PCDHGB6: variants seen among roughly 807,000 people sequenced by gnomAD.
The protein encoded by PCDHGB6 is protocadherin gamma-B6.
In PCDHGB6, 51 loss-of-function variants were observed where a neutral mutation model predicts 59.1. The observed-to-expected ratio is 0.86, with a 90% CI of 0.69 to 1.09. The LOEUF is 1.09. PCDHGB6 is among the 50% of genes least tolerant of loss of function. PCDHGB6 has a pLI of 0.00. For missense variants in PCDHGB6, 1,148 were observed against 1,205.1 expected (o/e 0.95, Z 0.70); for synonymous variants, 466 against 495.1 (o/e 0.94, Z 0.78).
chr5:141,495,028 G>C, intron 2 of PCDHGB6, 163 bp downstream of exon 2: 3 of 966,196 alleles, frequency 3.1e-6, no homozygotes, highest in Non-Finnish European at 3.7e-6. Flanking sequence ...CACAGACCCC[G>C]GAAGGAAGAG....
At chr5:141,422,696 ACT>A in intron 1 of PCDHGB6, 1 of 1,602,756 alleles carries the variant, frequency 6.2e-7, no homozygotes, top group Non-Finnish European at 8.5e-7. Flanking sequence ...CTGGTCACTT[ACT>A]CTCTGACGGA....
Position 141,510,960 on chromosome 5 carries a change from G to T in PCDHGB6, c.2580G>T (p.Gly860=). The T allele has an allele frequency of 6.2e-7, 1 of 1,614,120 alleles. No individual in the cohort carries two copies. The highest frequency in any genetic ancestry group is 1.3e-5 in the African/African-American group (1 of 75,022). ...ILASASEAAD[G]SSTLGGGAGT... is the part of the protein sequence containing the mutation. ...CTGTCTCTGCAGAAGCTGCTGATGG[G>T]AGCTCCACCCTGGGAGGGGGTGCCG... Residue 860 remains glycine, a synonymous_variant, in exon 4 of 4, where the codon GGG becomes GGT. Transcript: ENST00000520790.
intron 1 of PCDHGB6, among the ~76,000 whole-genome samples, chr5:141,482,689 C>T (rs145383957): frequency 7.1e-6 from 1 of 140,984 alleles, no homozygotes; most frequent in East Asian, 1.9e-4. Flanking sequence ...GCTTGTCAGA[C>T]AGTAAAGGGG....
chr5:141,427,930 T>C, intron 1 of PCDHGB6: 2 of 1,583,398 alleles, frequency 1.3e-6, no homozygotes. Flanking sequence ...CGGCGCATGT[T>C]GGTGGGCGAC....
intron 1 of PCDHGB6, chr5:141,418,910 T>C: frequency 6.2e-7 from 1 of 1,613,936 alleles, no homozygotes; most frequent in East Asian, 2.2e-5. Flanking sequence ...AATCATCACG[T>C]CACTCTCTGA....
chr5:141,413,365 G>A (rs1046513869), intron 1 of PCDHGB6: 14 of 1,614,000 alleles, frequency 8.7e-6, no homozygotes, highest in Non-Finnish European at 1.2e-5. Flanking sequence ...CCGGGAGCTG[G>A]CGGAGCGCGG....
rs1377364370 is a variant in PCDHGB6, at chr5:141,477,489, C to T, written c.2419-17318C>T. 1 of 1,614,048 alleles carries T rather than the reference C, an allele frequency of 6.2e-7. No homozygotes were observed. Among genetic ancestry groups the T allele is most frequent in the Non-Finnish European group, 8.5e-7 (1 of 1,180,044 alleles). On this transcript the variant is annotated intron_variant, in intron 1 of 3. Coordinates refer to ENST00000520790, the MANE Select transcript of PCDHGB6 (RefSeq NM_018926.3). This position sits in a 1 kb window ranked among gnomAD's most constrained non-coding sequence, Gnocchi z 4.9. ...ATCAATGACAACCCTCCACAATCTT[C>T]TCAATCTTCCTACGACGTTTACATT...
intron 2 of PCDHGB6, 141 bp downstream of exon 2, chr5:141,495,006 G>A (rs1030195663): frequency 1.3e-6 from 2 of 1,521,564 alleles, no homozygotes; most frequent in Non-Finnish European, 1.8e-6. Flanking sequence ...CTTGGTGTGC[G>A]GGGGGCTGGC....
In PCDHGB6 at chr5:141,487,822, G is replaced by T. The variant is rs1406642768; in HGVS notation, c.2419-6985G>T. ...TGTCACAGTTTAGCATTGGGGGCGG[G>T]TCATGCCTATATCTGAGTAAGAAAT... On this transcript the variant is annotated intron_variant, in intron 1 of 3. Coordinates refer to ENST00000520790, the MANE Select transcript of PCDHGB6 (RefSeq NM_018926.3). This position sits in a 1 kb window ranked among gnomAD's most constrained non-coding sequence, Gnocchi z 5.0. The T allele has an allele frequency of 3.1e-6, 4 of 1,278,640 alleles. No homozygotes were observed. The East Asian group carries it at 7.6e-5, about 24-fold the overall frequency. 79.2% of individuals were successfully genotyped at this position (1,278,640 alleles called of 1,614,324 possible). A position where few individuals can be genotyped will look rare whatever the true frequency, so the allele number is the denominator to read the frequency against.
intron 1 of PCDHGB6, chr5:141,418,928 A>C: frequency 1.2e-6 from 2 of 1,613,978 alleles, no homozygotes; most frequent in Non-Finnish European, 1.7e-6. Flanking sequence ...TGATCAGATT[A>C]TGGAGGATTC....
At chr5:141,421,444 A>T in intron 1 of PCDHGB6, 1 of 1,614,020 alleles carries the variant, frequency 6.2e-7, no homozygotes, top group Non-Finnish European at 8.5e-7. Flanking sequence ...CAGAGGGAAG[A>T]CACAGCTTTT....
At chr5:141,500,728 T>C (rs556463739) in intron 2 of PCDHGB6, among the ~76,000 whole-genome samples, 1 of 152,310 alleles carries the variant, frequency 6.6e-6, no homozygotes, top group South Asian at 2.1e-4. Context: ...CCCATGTCTT[T>C]CAAAATTCTT....
At position 141,485,731 on chromosome 5, in the gene PCDHGB6, C is replaced by G; in HGVS notation, c.2419-9076C>G. 6.2e-7 allele frequency: 1 copy of G among 1,614,152 alleles called. No homozygotes were observed. Among genetic ancestry groups the G allele is most frequent in the Non-Finnish European group, 8.5e-7 (1 of 1,180,022 alleles). ...TTGCACTGGATGTGAAGAAGCGCAG[C>G]GACGGCAGCCTGGTCCCAGAGCTGC... On this transcript the variant is annotated intron_variant, in intron 1 of 3. Transcript: ENST00000520790. The surrounding 1 kb of genome is among the most constrained non-coding windows in gnomAD (Gnocchi z 5.7).
chr5:141,460,470 A>T (rs2098990057), intron 1 of PCDHGB6, among the ~76,000 whole-genome samples: 1 of 152,110 alleles, frequency 6.6e-6, no homozygotes, highest in South Asian at 2.1e-4. Flanking sequence ...TTTCCAAAGG[A>T]ATATCCAATT....
intron 1 of PCDHGB6, chr5:141,423,051 CCTG>C (rs771403541): frequency 2.5e-6 from 4 of 1,614,208 alleles, no homozygotes; most frequent in Admixed American, 1.7e-5. Flanking sequence ...TGTCCTATCG[CCTG>C]CTTAAGGCCA....
intron 1 of PCDHGB6, chr5:141,413,972 T>G: frequency 6.2e-7 from 1 of 1,613,420 alleles, no homozygotes; most frequent in Non-Finnish European, 8.5e-7. Context: ...ACTCAGCTGC[T>G]GACAGTCACA....
At chr5:141,508,242 GC>G (rs1344624071) in intron 3 of PCDHGB6, 1 of 152,310 alleles carries the variant, frequency 6.6e-6, no homozygotes, top group African/African-American at 2.4e-5. Context: ...TCCTAAGTCT[GC>G]CTCTCCTGGG....
intron 1 of PCDHGB6, chr5:141,430,840 A>G: frequency 6.4e-7 from 1 of 1,565,876 alleles, no homozygotes; most frequent in East Asian, 2.2e-5. Flanking sequence ...GGGAGACCGG[A>G]TGCACCCAGA....
At chr5:141,506,668 C>A (rs2099855518) in intron 3 of PCDHGB6, among the ~76,000 whole-genome samples, 1 of 152,100 alleles carries the variant, frequency 6.6e-6, no homozygotes, top group Admixed American at 6.6e-5. Context: ...AGTAAGGGCA[C>A]AATATATTAT....
Sources: gnomAD v4.1 joint callset for allele counts (sites outside exome capture counted in the v4.1 genomes callset) on GRCh38, gnomAD v4.1.1 for gene constraint, Gnocchi (gnomAD v3.1) non-coding constraint, MANE v1.5 for transcripts, NCBI Gene and HGNC (gene_info 2026-07-23, HGNC 2026-07-21) for gene names.